RTKN2: variants seen among roughly 807,000 people sequenced by gnomAD.
RTKN2 encodes rhotekin 2, also known as rhotekin-2.
RTKN2 carries 69 observed loss-of-function variants against 71.5 expected under a neutral mutation model. The ratio of observed to expected loss-of-function variants is 0.96; its 90% CI spans 0.79 to 1.18. The LOEUF (loss-of-function observed/expected upper bound fraction) is 1.18. RTKN2 is among the 50% of genes most tolerant of loss of function. RTKN2 has a pLI of 0.00. For missense variants in RTKN2, 724 were observed against 719.7 expected (o/e 1.01, Z -0.07); for synonymous variants, 236 against 236.5 (o/e 1.00, Z 0.02).
Position 62,195,781 on chromosome 10 carries a change from G to GC in RTKN2, c.*2126dup, listed in dbSNP as rs1306364986. The GC allele has an allele frequency of 2.0e-6, 2 of 985,096 alleles. No individual in the cohort carries two copies. The highest frequency in any genetic ancestry group is 2.3e-4 in the East Asian group (2 of 8,822). The allele number at this position is 985,096 out of a possible 1,614,324, so 61.0% of individuals were successfully genotyped here. ...AGACTTGTAACATACAGTAAGCTGG[G>GC]CCCCCCAGAAAGAGACCGAATAATT... is the stretch of plus-strand genomic sequence containing the variant. On this transcript the variant is annotated 3_prime_UTR_variant, in exon 12 of 12. Coordinates refer to ENST00000373789, the MANE Select transcript of RTKN2 (RefSeq NM_145307.4).
intron 7 of RTKN2, among the ~76,000 whole-genome samples, chr10:62,221,390 C>G (rs1417412856): frequency 2.6e-5 from 4 of 151,906 alleles, no homozygotes; most frequent in Non-Finnish European, 4.4e-5. Context: ...GTGAGACAAA[C>G]AGAAAACACA....
In RTKN2 at chr10:62,194,108, T is replaced by G; in HGVS notation, c.*3800A>C. On this transcript the variant is annotated 3_prime_UTR_variant, in exon 12 of 12. Transcript: ENST00000373789. ...ATGTATGTCCATGATATAATACTTT[T>G]TAATCCAAAAGTCTGACCCATATTA... The G allele has an allele frequency of 1.0e-6, 1 of 981,270 alleles. No homozygotes were observed. The highest frequency in any genetic ancestry group is 1.2e-6 in the Non-Finnish European group (1 of 826,154). 60.8% of individuals were successfully genotyped at this position (981,270 alleles called of 1,614,324 possible). A position where few individuals can be genotyped will look rare whatever the true frequency, so the allele number is the denominator to read the frequency against.
chr10:62,204,840 TC>T lies in RTKN2; in HGVS notation c.1186+16del. 6.5e-7 allele frequency: 1 copy of T among 1,529,240 alleles called. No homozygotes were observed. Among genetic ancestry groups the T allele is most frequent in the Non-Finnish European group, 8.8e-7 (1 of 1,141,360 alleles). 94.7% of individuals were successfully genotyped at this position (1,529,240 alleles called of 1,614,324 possible). ...CTACATAAATACACAACTAAAAAAATCCAAATATCTATTTACTAAGATCAAA... is the reference window on the plus strand; with the variant it reads ...CTACATAAATACACAACTAAAAAAATCAAATATCTATTTACTAAGATCAAA... On this transcript the variant is annotated intron_variant, in intron 10 of 11. Transcript: ENST00000373789.
At position 62,197,485 on chromosome 10, in the gene RTKN2, G is replaced by C; in HGVS notation, c.*423C>G. On this transcript the variant is annotated 3_prime_UTR_variant, in exon 12 of 12. Transcript: ENST00000373789. ...GGGTGGATTCTATAATTTGTGGTTT[G>C]AATAAAACCTTTGAAACATTCCATT... The C allele has an allele frequency of 3.0e-6, 3 of 986,446 alleles. No homozygotes were observed. The highest frequency in any genetic ancestry group is 5.2e-4 in the Middle Eastern group (1 of 1,914). The allele number at this position is 986,446 out of a possible 1,614,324, so 61.1% of individuals were successfully genotyped here.
At chr10:62,218,996 C>CAAAACAAAAAGA (rs1841842931) in intron 7 of RTKN2, among the ~76,000 whole-genome samples, 1 of 151,426 alleles carries the variant, frequency 6.6e-6, no homozygotes, top group Non-Finnish European at 1.5e-5. Context: ...AAAAACAAAG[C>CAAAACAAAAAGA]AAAACAAAAA....
intron 8 of RTKN2, among the ~76,000 whole-genome samples, chr10:62,187,909 C>A (rs1841162266): frequency 6.6e-6 from 1 of 152,118 alleles, no homozygotes; most frequent in South Asian, 2.1e-4. Flanking sequence ...CTTCAGCATA[C>A]CAGAAAAAAA....
chr10:62,258,067 T>A (rs1426128041), intron 2 of RTKN2, among the ~76,000 whole-genome samples: 1 of 152,216 alleles, frequency 6.6e-6, no homozygotes, highest in Non-Finnish European at 1.5e-5. Flanking sequence ...TAATAGAACA[T>A]TTAACCAGTT....
intron 2 of RTKN2, among the ~76,000 whole-genome samples, chr10:62,255,568 A>G (rs1842659831): frequency 6.6e-6 from 1 of 152,258 alleles, no homozygotes; most frequent in Non-Finnish European, 1.5e-5. Context: ...GAATACTAGA[A>G]TTAGATAATC....
At position 62,197,384 on chromosome 10, in the gene RTKN2, A is replaced by C. The variant is rs1165231394; in HGVS notation, c.*524T>G. The C allele has an allele frequency of 8.1e-6, 8 of 985,848 alleles. No homozygotes were observed. The highest frequency in any genetic ancestry group is 9.6e-6 in the Non-Finnish European group (8 of 830,000). The allele number at this position is 985,848 out of a possible 1,614,324, so 61.1% of individuals were successfully genotyped here. ...AGGAATTTAAAAGGTCAGGCCTATA[A>C]ACTAGTGAGTTAAACAATAGATGAG... On this transcript the variant is annotated 3_prime_UTR_variant, in exon 12 of 12. Transcript: ENST00000373789.
downstream of RTKN2, among the ~76,000 whole-genome samples, chr10:62,190,456 T>C (rs1302556550): frequency 1.3e-5 from 2 of 152,038 alleles, no homozygotes; most frequent in Non-Finnish European, 2.9e-5. Context: ...ATAAAACAGA[T>C]AAACTTAGAG....
intron 6 of RTKN2, among the ~76,000 whole-genome samples, chr10:62,224,625 C>T (rs1841981215): frequency 6.6e-6 from 1 of 152,028 alleles, no homozygotes; most frequent in African/African-American, 2.4e-5. Flanking sequence ...CAAATACCAG[C>T]ATTTGCAAGT....
chr10:62,221,810 A>G (rs1460166396), intron 7 of RTKN2, among the ~76,000 whole-genome samples: 1 of 152,168 alleles, frequency 6.6e-6, no homozygotes, highest in Non-Finnish European at 1.5e-5. Context: ...GAATTAAAAA[A>G]CAGAGATGGT....
chr10:62,241,296 T>A, intron 3 of RTKN2, 101 bp from the exon 4 acceptor site: 1 of 657,074 alleles, frequency 1.5e-6, no homozygotes, highest in Non-Finnish European at 2.7e-6. Context: ...CTGACTACTA[T>A]AGCTAAAATA....
At chr10:62,266,052 C>T (rs1236857509) in intron 1 of RTKN2, among the ~76,000 whole-genome samples, 7 of 152,192 alleles carry the variant, frequency 4.6e-5, no homozygotes, top group African/African-American at 1.4e-4. Flanking sequence ...CCATCATACT[C>T]TTATTTCTTT....
At chr10:62,246,562 T>C (rs1842482331) in intron 2 of RTKN2, among the ~76,000 whole-genome samples, 1 of 152,058 alleles carries the variant, frequency 6.6e-6, no homozygotes, top group Non-Finnish European at 1.5e-5. Flanking sequence ...TAATATCATA[T>C]TTAATTTCCC....
At chr10:62,261,607 C>T (rs772174652) in intron 2 of RTKN2, among the ~76,000 whole-genome samples, 5 of 152,082 alleles carry the variant, frequency 3.3e-5, no homozygotes, top group Non-Finnish European at 7.4e-5. Flanking sequence ...GCTGAGATCA[C>T]ACCACTGCAC....
At chr10:62,188,750 A>AT (rs1050055477), downstream of RTKN2, among the ~76,000 whole-genome samples, 3 of 149,410 alleles carry the variant, frequency 2.0e-5, no homozygotes, top group Admixed American at 6.6e-5. Context: ...AATTTTTTAA[A>AT]TTTTTTTATT....
In RTKN2 at chr10:62,221,136, T is replaced by TA. The variant is rs34217296; in HGVS notation, c.781+2101dup. Among the ~76,000 whole-genome samples, 1,192 of 147,644 alleles carry TA rather than the reference T, an allele frequency of 8.1e-3. 7 individuals are homozygous for TA. The highest frequency in any genetic ancestry group is 0.014 in the African/African-American group (576 of 40,520). On this transcript the variant is annotated intron_variant, in intron 7 of 11. Transcript: ENST00000373789. ...ATAAATATTAAATCTAAATAAGTAC[T>TA]AAAAAAAAAAAGAATTACAATATAT... is the stretch of plus-strand genomic sequence containing the variant.
rs2132771996 is a variant in RTKN2 at position 62,193,851 on chromosome 10, T to G, written c.*4057A>C. The G allele has an allele frequency of 1.0e-6, 1 of 977,930 alleles. No individual in the cohort carries two copies. Among genetic ancestry groups the G allele is most frequent in the Admixed American group, 6.1e-5 (1 of 16,274 alleles). 60.6% of individuals were successfully genotyped at this position (977,930 alleles called of 1,614,324 possible). The stretch of plus-strand genomic sequence containing the variant: ...GTAAACATTTTAATAATGTTAATTA[T>G]ACCATGGCTTATCAGAATGTTAGTC... On this transcript the variant is annotated 3_prime_UTR_variant, in exon 12 of 12. Transcript: ENST00000373789.
Sources: gnomAD v4.1 joint callset for allele counts (sites outside exome capture counted in the v4.1 genomes callset) on GRCh38, gnomAD v4.1.1 for gene constraint, MANE v1.5 for transcripts, NCBI Gene and HGNC (gene_info 2026-07-23, HGNC 2026-07-21) for gene names.